ARHGEF12: variants seen among roughly 807,000 people sequenced by gnomAD.
ARHGEF12 encodes Rho guanine nucleotide exchange factor 12, also known as KMT2A/ARHGEF12 fusion protein.
ARHGEF12 carries 66 observed loss-of-function variants against 211.2 expected under a neutral mutation model. The ratio of observed to expected loss-of-function variants is 0.31; its 90% CI spans 0.26 to 0.38. ARHGEF12 has a LOEUF of 0.38. ARHGEF12 is among the 10% of genes least tolerant of loss of function. The pLI is 1.00. For synonymous variants in ARHGEF12, 592 were observed against 638.4 expected, an observed-to-expected ratio of 0.93 and a Z score of 1.09; for missense variants, 1,429 against 1,869.5, an observed-to-expected ratio of 0.76 and a Z score of 4.34.
At chr11:120,384,703 AACAG>A (rs1181322122) in intron 1 of ARHGEF12, among the ~76,000 whole-genome samples, 8 of 152,150 alleles carry the variant, frequency 5.3e-5, no homozygotes, top group African/African-American at 7.2e-5. Flanking sequence ...ATCAAACACA[AACAG>A]ACAGAGTAGC....
intron 1 of ARHGEF12, among the ~76,000 whole-genome samples, chr11:120,404,691 C>G (rs1944646232): frequency 6.6e-6 from 1 of 152,168 alleles, no homozygotes; most frequent in African/African-American, 2.4e-5. Context: ...CTGACGCAAG[C>G]AGCATTGTTT....
At chr11:120,387,501 T>C (rs1321137078) in intron 1 of ARHGEF12, among the ~76,000 whole-genome samples, 2 of 152,090 alleles carry the variant, frequency 1.3e-5, no homozygotes, top group Non-Finnish European at 2.9e-5. Context: ...CACCAAAAGA[T>C]TCCCTGGGGG....
rs753718908 is a variant in ARHGEF12, at chr11:120,428,151, G to A, written c.489G>A (p.Pro163=). Residue 163 remains proline (P), a synonymous_variant, in exon 8 of 41, where the codon CCG becomes CCA. Transcript: ENST00000397843. ...CACTTGCCGACTCTGAAGTAGAGCC[G>A]TCAGTCATTGGACATATGTCTCCCA... is the stretch of plus-strand genomic sequence containing the variant. The part of the protein sequence containing the change: ...QIPLADSEVE[P]SVIGHMSPIM... The A allele has an allele frequency of 9.3e-6, 15 of 1,611,318 alleles. No individual in the cohort carries two copies. Among genetic ancestry groups the A allele is most frequent in the South Asian group, 5.6e-5 (5 of 90,072 alleles).
chr11:120,400,652 C>T (rs924910590), intron 1 of ARHGEF12, among the ~76,000 whole-genome samples: 5 of 152,204 alleles, frequency 3.3e-5, no homozygotes, highest in Admixed American at 6.5e-5. Flanking sequence ...AATAAGCTGT[C>T]ACATTAATTG....
chr11:120,355,716 A>T (rs1373271328), intron 1 of ARHGEF12, among the ~76,000 whole-genome samples: 6 of 152,234 alleles, frequency 3.9e-5, no homozygotes, highest in African/African-American at 1.2e-4. Flanking sequence ...CTTTAAAAAT[A>T]AAAAATAAAA....
Position 120,480,022 on chromosome 11 carries a change from G to C in ARHGEF12, c.3829G>C (p.Asp1277His), listed in dbSNP as rs755039629. ...LGLTEKSVQE[D>H]WQHFPRYRTA... ...TTTGACTGAGAAGAGCGTTCAGGAA[G>C]ACTGGCAACATTTCCCAAGATACAG... is the stretch of plus-strand genomic sequence containing the variant. The change falls in exon 38 of 41, where the codon GAC (aspartate) becomes CAC (histidine). Residue 1277 changes from aspartate (D) to histidine (H), a missense_variant. Transcript: ENST00000397843. 6.2e-7 allele frequency: 1 copy of C among 1,614,150 alleles called. No individual in the cohort carries two copies. The highest frequency in any genetic ancestry group is 1.7e-5 in the Admixed American group (1 of 60,016).
At chr11:120,484,358 T>G in intron 39 of ARHGEF12, 80 bp from the exon 40 acceptor site, 1 of 1,309,948 alleles carries the variant, frequency 7.6e-7, no homozygotes, top group Non-Finnish European at 1.1e-6. Flanking sequence ...TAAAAAGGGC[T>G]TCTTTTCTGT....
chr11:120,455,722 C>T (rs1447853992), intron 22 of ARHGEF12, among the ~76,000 whole-genome samples: 1 of 152,122 alleles, frequency 6.6e-6, no homozygotes, highest in African/African-American at 2.4e-5. Context: ...GCCACTGCTC[C>T]AGATTGGAAC....
intron 1 of ARHGEF12, among the ~76,000 whole-genome samples, chr11:120,344,922 C>G (rs936472901): frequency 6.6e-6 from 1 of 152,332 alleles, no homozygotes; most frequent in Non-Finnish European, 1.5e-5. Context: ...GTTGTTTTAT[C>G]ACCACAAGAG....
At chr11:120,390,831 A>G (rs746392512) in intron 1 of ARHGEF12, among the ~76,000 whole-genome samples, 6 of 152,178 alleles carry the variant, frequency 3.9e-5, no homozygotes, top group Non-Finnish European at 7.3e-5. Context: ...TACTAGTTAT[A>G]TAACTTGTAT....
At position 120,488,807 on chromosome 11, in the gene ARHGEF12, C is replaced by CT. The variant is rs1947465397; in HGVS notation, c.*3733dup. 4.8e-6 allele frequency: 1 copy of CT among 209,276 alleles called. No individual in the cohort carries two copies. Among genetic ancestry groups the CT allele is most frequent in the African/African-American group, 2.3e-5 (1 of 43,970 alleles). The allele number at this position is 209,276 out of a possible 1,614,324, so 13.0% of individuals were successfully genotyped here. A position where few individuals can be genotyped will look rare whatever the true frequency, so the allele number is the denominator to read the frequency against. The stretch of plus-strand genomic sequence containing the variant: ...ATATCTGGAACTATCTTTAAAAAAA[C>CT]TTTATTAATAATCATGTATTTTTAC... On this transcript the variant is annotated 3_prime_UTR_variant, in exon 41 of 41. Coordinates refer to ENST00000397843, the MANE Select transcript of ARHGEF12 (RefSeq NM_015313.3).
At chr11:120,391,517 C>G (rs1302576927) in intron 1 of ARHGEF12, among the ~76,000 whole-genome samples, 1 of 152,148 alleles carries the variant, frequency 6.6e-6, no homozygotes, top group Non-Finnish European at 1.5e-5. Flanking sequence ...CTTTTTCCTT[C>G]TCTAGCCTAT....
Position 120,336,997 on chromosome 11 carries a change from T to C in ARHGEF12, c.-247T>C, listed in dbSNP as rs1482112900. 3 of 525,752 alleles carry C rather than the reference T, an allele frequency of 5.7e-6. No individual in the cohort carries two copies. The highest frequency in any genetic ancestry group is 1.0e-5 in the Non-Finnish European group (3 of 295,988). The allele number at this position is 525,752 out of a possible 1,614,324, so 32.6% of individuals were successfully genotyped here. ...GCCTTCTGGAGGATTTCTCTCTAGCTCGACTCACTCTGGACTGACTCGCTC... is the reference window on the plus strand; with the variant it reads ...GCCTTCTGGAGGATTTCTCTCTAGCCCGACTCACTCTGGACTGACTCGCTC... On this transcript the variant is annotated 5_prime_UTR_variant, in exon 1 of 41. Coordinates refer to ENST00000397843, the MANE Select transcript of ARHGEF12 (RefSeq NM_015313.3).
intron 1 of ARHGEF12, among the ~76,000 whole-genome samples, chr11:120,340,668 G>A (rs1021279956): frequency 2.0e-5 from 3 of 151,930 alleles, no homozygotes; most frequent in African/African-American, 7.3e-5. Context: ...GTCATCTCTC[G>A]GCAAGGTGAA....
At chr11:120,444,438 G>T (rs1945983569) in intron 15 of ARHGEF12, among the ~76,000 whole-genome samples, 1 of 152,118 alleles carries the variant, frequency 6.6e-6, no homozygotes. Flanking sequence ...ATACAGAAAT[G>T]AGCTTTTATT....
At chr11:120,351,234 C>T (rs187653059) in intron 1 of ARHGEF12, among the ~76,000 whole-genome samples, 1,829 of 148,284 alleles carry the variant, frequency 0.012, 34 homozygotes, top group African/African-American at 0.043. Context: ...GCCTGTAGTC[C>T]CAGCTACTCG....
At chr11:120,397,438 A>T (rs928265923) in intron 1 of ARHGEF12, among the ~76,000 whole-genome samples, 2 of 152,186 alleles carry the variant, frequency 1.3e-5, no homozygotes, top group African/African-American at 4.8e-5. Context: ...AAATGAATTC[A>T]TCCCAAGGAA....
intron 1 of ARHGEF12, among the ~76,000 whole-genome samples, chr11:120,355,008 A>G (rs1943091961): frequency 6.6e-6 from 1 of 152,148 alleles, no homozygotes; most frequent in African/African-American, 2.4e-5. Context: ...TTTAGCTAGC[A>G]TTGCTTCCTC....
intron 8 of ARHGEF12, 97 bp downstream of exon 8, chr11:120,428,344 T>A: frequency 1.9e-6 from 2 of 1,040,072 alleles, no homozygotes; most frequent in Non-Finnish European, 1.3e-6. Flanking sequence ...ATGAACTAAT[T>A]AAATTTAAGA....
Sources: allele counts gnomAD v4.1 joint callset (sites outside exome capture counted in the v4.1 genomes callset), GRCh38; gene constraint gnomAD v4.1.1; transcripts MANE v1.5; gene names NCBI Gene and HGNC (gene_info 2026-07-23, HGNC 2026-07-21).